MVB12B: variants seen among roughly 807,000 people sequenced by gnomAD.
MVB12B encodes the protein ESCRT-I complex subunit MVB12B.
A neutral mutation model predicts 41.6 loss-of-function variants in MVB12B; 16 were observed. The observed-to-expected ratio is 0.38, with a 90% CI of 0.26 to 0.58. The LOEUF is 0.58. Among genes scored for constraint, MVB12B ranks in the 20% least tolerant of loss-of-function variants. MVB12B has a pLI of 0.62. For missense variants in MVB12B, 274 were observed against 380.2 expected (o/e 0.72, Z 2.32); for synonymous variants, 133 against 139.7 (o/e 0.95, Z 0.34).
intron 7 of MVB12B, among the ~76,000 whole-genome samples, chr9:126,464,319 T>A (rs913285844): frequency 6.6e-6 from 1 of 152,192 alleles, no homozygotes; most frequent in South Asian, 2.1e-4. Context: ...GAAAGGCCTA[T>A]CACAGATGGA....
intron 6 of MVB12B, chr9:126,397,238 T>C: frequency 1.0e-6 from 1 of 985,486 alleles, no homozygotes; most frequent in Non-Finnish European, 1.2e-6. Flanking sequence ...TCAGGCAGGT[T>C]TTGACTTTCT....
At chr9:126,484,177 C>A (rs1588206500) in intron 9 of MVB12B, 145 bp downstream of exon 9, 1 of 687,058 alleles carries the variant, frequency 1.5e-6, no homozygotes, top group Non-Finnish European at 2.5e-6. Context: ...ACTTTCGTTG[C>A]ACCCAAATGT....
At chr9:126,345,481 G>T (rs931658361) in intron 2 of MVB12B, among the ~76,000 whole-genome samples, 1 of 152,240 alleles carries the variant, frequency 6.6e-6, no homozygotes, top group Non-Finnish European at 1.5e-5. Context: ...GTCCCCTGGA[G>T]GGCCCTGCAT....
At chr9:126,361,910 G>GA (rs765678033) in intron 2 of MVB12B, among the ~76,000 whole-genome samples, 3,461 of 58,772 alleles carry the variant, frequency 0.059, 72 homozygotes, top group African/African-American at 0.095. Context: ...TGAAACTCTG[G>GA]AAAAAAAAAA....
At chr9:126,454,649 A>G (rs1832944356) in intron 7 of MVB12B, among the ~76,000 whole-genome samples, 2 of 152,216 alleles carry the variant, frequency 1.3e-5, no homozygotes, top group Admixed American at 6.5e-5. Context: ...TTAGCCCCAT[A>G]AAGACCCAAC....
chr9:126,405,415 T>A (rs778829639), intron 6 of MVB12B, among the ~76,000 whole-genome samples: 1 of 152,168 alleles, frequency 6.6e-6, no homozygotes, highest in African/African-American at 2.4e-5. Context: ...CAGAACAGAT[T>A]TATCAGTTCA....
Position 126,391,186 on chromosome 9 carries a change from C to T in MVB12B, c.410-880C>T, listed in dbSNP as rs894190533. Among the ~76,000 whole-genome samples the T allele has an allele frequency of 6.6e-6, 1 of 152,160 alleles. No homozygotes were observed. The highest frequency in any genetic ancestry group is 2.1e-4 in the South Asian group (1 of 4,826). The stretch of plus-strand genomic sequence containing the variant: ...ATGACAGCCTAGACTTACGTGTACC[C>T]CGGACGGCGTGCATGCCTAAAAAAC... On this transcript the variant is annotated intron_variant, in intron 4 of 9. Transcript: ENST00000361171. This position sits in a 1 kb window ranked among gnomAD's most constrained non-coding sequence, Gnocchi z 4.4.
intron 9 of MVB12B, among the ~76,000 whole-genome samples, chr9:126,487,464 G>A (rs531653709): frequency 6.6e-6 from 1 of 152,334 alleles, no homozygotes; most frequent in African/African-American, 2.4e-5. Flanking sequence ...CGGGTTAAAA[G>A]AAAAACAGGT....
chr9:126,373,901 G>C (rs758111366), intron 2 of MVB12B, among the ~76,000 whole-genome samples: 3 of 152,322 alleles, frequency 2.0e-5, no homozygotes, highest in Middle Eastern at 3.4e-3. Flanking sequence ...TCTCAACTGT[G>C]CAGAGCCAAA....
At chr9:126,404,589 G>A (rs551942681) in intron 6 of MVB12B, among the ~76,000 whole-genome samples, 3 of 152,344 alleles carry the variant, frequency 2.0e-5, no homozygotes, top group African/African-American at 7.2e-5. Flanking sequence ...ACTTCCCAGG[G>A]CGTGTGGGTG....
rs1026769113 is a variant in MVB12B, at chr9:126,423,751, C to T, written c.757+1803C>T. Among the ~76,000 whole-genome samples, 15 of 152,304 alleles carry T rather than the reference C, an allele frequency of 9.8e-5. No homozygotes were observed. In the East Asian group the frequency reaches 2.7e-3, roughly 27 times the overall value. On this transcript the variant is annotated intron_variant, in intron 7 of 9. Transcript: ENST00000361171. ...AACTATGGTACAACTGGGAAGGCTG[C>T]CCGCCCACCCACTGGCAGCCTGCCT...
chr9:126,446,279 A>G (rs1315865816), intron 7 of MVB12B, among the ~76,000 whole-genome samples: 2 of 152,100 alleles, frequency 1.3e-5, no homozygotes, highest in Non-Finnish European at 2.9e-5. Context: ...TTTAGCATTT[A>G]GAAAGTTATT....
intron 6 of MVB12B, among the ~76,000 whole-genome samples, chr9:126,407,479 C>G (rs1001990752): frequency 3.3e-5 from 5 of 152,198 alleles, no homozygotes; most frequent in African/African-American, 1.2e-4. Flanking sequence ...AGTAATTTGT[C>G]ACTTTAGAGG....
intron 9 of MVB12B, among the ~76,000 whole-genome samples, chr9:126,493,009 A>T (rs1166629139): frequency 6.6e-6 from 1 of 152,216 alleles, no homozygotes; most frequent in Admixed American, 6.5e-5. Flanking sequence ...TACGTTTTAA[A>T]GAGAGCAAAC....
intron 7 of MVB12B, among the ~76,000 whole-genome samples, chr9:126,434,525 C>T (rs933951667): frequency 6.6e-6 from 1 of 152,178 alleles, no homozygotes; most frequent in Non-Finnish European, 1.5e-5. Flanking sequence ...CCCTAAGCAT[C>T]GCTTCTGGTG....
At position 126,411,451 on chromosome 9, in the gene MVB12B, C is replaced by T. The variant is rs113484353; in HGVS notation, c.663-10403C>T. On this transcript the variant is annotated intron_variant, in intron 6 of 9. Transcript: ENST00000361171. ...GTCAGTCGCCACATCCTAATTATAG[C>T]GGCCTTGTGTGCCTGTTGATACTGG... 8.0e-3 allele frequency among the ~76,000 whole-genome samples: 1,224 copies of T among 152,300 alleles called. 18 individuals carry two copies. Among genetic ancestry groups the T allele is most frequent in the African/African-American group, 0.028 (1,150 of 41,564 alleles).
intron 2 of MVB12B, among the ~76,000 whole-genome samples, chr9:126,359,040 G>T (rs746025202): frequency 2.6e-5 from 4 of 151,700 alleles, no homozygotes; most frequent in Non-Finnish European, 4.4e-5. Flanking sequence ...TTATCATATG[G>T]ATTTTCTCTT....
chr9:126,446,021 G>A (rs1295642367), intron 7 of MVB12B, among the ~76,000 whole-genome samples: 3 of 152,086 alleles, frequency 2.0e-5, no homozygotes, highest in Non-Finnish European at 2.9e-5. Flanking sequence ...TTCTTACCTG[G>A]TTCCTGACTT....
chr9:126,472,668 T>C (rs1299171890), intron 7 of MVB12B, among the ~76,000 whole-genome samples: 2 of 152,208 alleles, frequency 1.3e-5, no homozygotes, highest in East Asian at 1.9e-4. Flanking sequence ...CTTTAATGTA[T>C]TTTACAAACA....
Sources: allele counts gnomAD v4.1 joint callset (sites outside exome capture counted in the v4.1 genomes callset), GRCh38; gene constraint gnomAD v4.1.1; non-coding constraint Gnocchi (gnomAD v3.1); transcripts MANE v1.5; gene names NCBI Gene and HGNC (gene_info 2026-07-23, HGNC 2026-07-21).